The following RARB variants were observed in gnomAD, a reference collection of about 807,000 sequenced individuals.
The protein encoded by RARB is retinoic acid receptor beta, also known as HBV-activated protein.
In RARB, 17 loss-of-function variants were observed where a neutral mutation model predicts 51.9. The observed-to-expected ratio is 0.33, with a 90% CI of 0.22 to 0.49. The LOEUF is 0.49. Among genes scored for constraint, RARB ranks in the 20% least tolerant of loss-of-function variants. The pLI is 0.99. For missense variants in RARB, 369 were observed against 550.8 expected (o/e 0.67, Z 3.30); for synonymous variants, 215 against 195.4 (o/e 1.10, Z -0.84).
chr3:25,309,783 C>A (rs1704245863), intron 5 of RARB, among the ~76,000 whole-genome samples: 1 of 152,156 alleles, frequency 6.6e-6, no homozygotes, highest in Admixed American at 6.5e-5. Flanking sequence ...GGATGAGCCA[C>A]CGTGCCCAGC....
chr3:25,377,160 T>C (rs1706487737), intron 5 of RARB, among the ~76,000 whole-genome samples: 2 of 151,902 alleles, frequency 1.3e-5, no homozygotes, highest in African/African-American at 4.8e-5. Context: ...TAAATTGTGT[T>C]AATAACAGAT....
intron 5 of RARB, among the ~76,000 whole-genome samples, chr3:25,304,911 A>G (rs1704121113): frequency 6.6e-6 from 1 of 152,168 alleles, no homozygotes; most frequent in Non-Finnish European, 1.5e-5. Context: ...TTTATTTATA[A>G]TAATAACAGC....
chr3:25,486,761 T>A (rs1230886229), intron 2 of RARB, among the ~76,000 whole-genome samples: 1 of 152,180 alleles, frequency 6.6e-6, no homozygotes, highest in East Asian at 1.9e-4. Context: ...CCAGCACATA[T>A]ATGCATTTCC....
intron 1 of RARB, among the ~76,000 whole-genome samples, chr3:25,455,984 C>T (rs1694885032): frequency 6.6e-6 from 1 of 152,214 alleles, no homozygotes; most frequent in Non-Finnish European, 1.5e-5. Context: ...TATTGAATGA[C>T]ACAAGCCTCT....
At chr3:25,295,126 G>A (rs1406997709) in intron 5 of RARB, among the ~76,000 whole-genome samples, 3 of 152,238 alleles carry the variant, frequency 2.0e-5, no homozygotes, top group Admixed American at 1.3e-4. Context: ...TGGTACAGTA[G>A]TTAAGAGCAA....
chr3:25,536,462 A>G (rs1425935724), intron 3 of RARB, among the ~76,000 whole-genome samples: 1 of 152,256 alleles, frequency 6.6e-6, no homozygotes, highest in Non-Finnish European at 1.5e-5. Flanking sequence ...AAGCTAGCTT[A>G]CAGTAAAAAC....
chr3:25,282,331 A>G (rs963144549), intron 5 of RARB, among the ~76,000 whole-genome samples: 7 of 152,252 alleles, frequency 4.6e-5, no homozygotes, highest in Admixed American at 3.9e-4. Context: ...TCCCTCAGAT[A>G]CCACATGGCT....
intron 5 of RARB, among the ~76,000 whole-genome samples, chr3:25,180,777 G>A (rs1452950012): frequency 2.0e-5 from 3 of 152,138 alleles, no homozygotes; most frequent in Non-Finnish European, 4.4e-5. Context: ...AAGAGGAAGG[G>A]AGAAAAAGAG....
chr3:25,457,474 C>A (rs1179064687), intron 1 of RARB, among the ~76,000 whole-genome samples: 1 of 152,154 alleles, frequency 6.6e-6, no homozygotes, highest in Non-Finnish European at 1.5e-5. Context: ...TGATTACTTA[C>A]AATAGAACAT....
At chr3:24,903,007 A>AAG (rs200317935) in intron 2 of RARB, among the ~76,000 whole-genome samples, 1,571 of 152,306 alleles carry the variant, frequency 0.01, 11 homozygotes, top group Non-Finnish European at 0.019. Context: ...CTCTAAGCTG[A>AAG]AGAGTAACAA....
intron 2 of RARB, among the ~76,000 whole-genome samples, chr3:24,864,278 T>A (rs1008343474): frequency 2.0e-5 from 3 of 152,166 alleles, no homozygotes; most frequent in Non-Finnish European, 4.4e-5. Context: ...ACACCATCCA[T>A]CCTTTGCTGT....
intron 2 of RARB, among the ~76,000 whole-genome samples, chr3:24,885,344 A>T (rs1429171905): frequency 6.6e-6 from 1 of 152,104 alleles, no homozygotes; most frequent in Non-Finnish European, 1.5e-5. Flanking sequence ...GCTGAAATGG[A>T]GATTGTGAGG....
chr3:25,292,147 G>A (rs1175162385), intron 5 of RARB, among the ~76,000 whole-genome samples: 1 of 152,050 alleles, frequency 6.6e-6, no homozygotes, highest in Non-Finnish European at 1.5e-5. Flanking sequence ...GATGAGCAGA[G>A]TTGGCTCTCT....
intron 6 of RARB, among the ~76,000 whole-genome samples, chr3:25,593,948 AT>A (rs1180552020): frequency 1.3e-5 from 2 of 151,934 alleles, no homozygotes; most frequent in African/African-American, 2.4e-5. Context: ...ATTGCCACAG[AT>A]TTTTTTTCTT....
intron 2 of RARB, among the ~76,000 whole-genome samples, chr3:24,884,294 G>A (rs116448123): frequency 0.013 from 1,908 of 152,220 alleles, 42 homozygotes; most frequent in African/African-American, 0.044. Flanking sequence ...GAGGTTGGAA[G>A]GGCAATGTCA....
At chr3:25,092,013 A>G (rs925857509) in intron 3 of RARB, among the ~76,000 whole-genome samples, 2 of 152,128 alleles carry the variant, frequency 1.3e-5, no homozygotes, top group African/African-American at 2.4e-5. Flanking sequence ...ATGTTCTTTT[A>G]TGGACTTGTA....
rs541467996 is a variant in RARB, at chr3:25,341,128, C to G, written c.179-120065C>G. Among the ~76,000 whole-genome samples the G allele has an allele frequency of 2.6e-5, 4 of 152,240 alleles. No individual in the cohort carries two copies. In the South Asian group the frequency reaches 8.3e-4, roughly 32 times the overall value. ...CAGCTTCTTCTGTGTTGTACCTGAG[C>G]AAAGCAATACGATGAGTTCTTGGAG... On this transcript the variant is annotated intron_variant, in intron 5 of 11. Transcript: ENST00000383772.
At chr3:25,189,768 G>T (rs368277083) in intron 5 of RARB, among the ~76,000 whole-genome samples, 2 of 151,934 alleles carry the variant, frequency 1.3e-5, no homozygotes, top group Non-Finnish European at 2.9e-5. Flanking sequence ...GCCTGTAATC[G>T]CAGATACTCA....
chr3:25,078,413 AT>A (rs1698918598), intron 3 of RARB, among the ~76,000 whole-genome samples: 1 of 151,952 alleles, frequency 6.6e-6, no homozygotes, highest in Admixed American at 6.6e-5. Context: ...TCAATTGACC[AT>A]TTACGTGTGG....
Sources: gnomAD v4.1 joint callset for allele counts (sites outside exome capture counted in the v4.1 genomes callset) on GRCh38, gnomAD v4.1.1 for gene constraint, MANE v1.5 for transcripts, NCBI Gene and HGNC (gene_info 2026-07-23, HGNC 2026-07-21) for gene names.